Variants in DLG2 observed in about 807,000 individuals in gnomAD.
DLG2 encodes the protein disks large homolog 2.
In DLG2, 45 loss-of-function variants were observed where a neutral mutation model predicts 132.5. The observed-to-expected ratio is 0.34, with a 90% CI of 0.27 to 0.44. The LOEUF (loss-of-function observed/expected upper bound fraction) is 0.44. Among genes scored for constraint, DLG2 ranks in the 20% least tolerant of loss-of-function variants. DLG2 has a pLI of 1.00. For missense variants in DLG2, 1,045 were observed against 1,196.9 expected (o/e 0.87, Z 1.87); for synonymous variants, 424 against 419.6 (o/e 1.01, Z -0.13).
intron 6 of DLG2, among the ~76,000 whole-genome samples, chr11:84,714,039 C>G (rs149007620): frequency 6.6e-6 from 1 of 152,052 alleles, no homozygotes; most frequent in Non-Finnish European, 1.5e-5. Flanking sequence ...CAAAATAGTA[C>G]TGGGAAACTA....
intron 14 of DLG2, among the ~76,000 whole-genome samples, chr11:83,951,159 C>T (rs2085315871): frequency 6.6e-6 from 1 of 152,044 alleles, no homozygotes. Context: ...CCATATACAG[C>T]TGATGGGAAT....
chr11:85,127,999 T>G (rs2075324680), intron 5 of DLG2, among the ~76,000 whole-genome samples: 1 of 152,160 alleles, frequency 6.6e-6, no homozygotes, highest in Non-Finnish European at 1.5e-5. Context: ...GATAGTGGGT[T>G]GACAGAGGCA....
chr11:85,627,002 C>T (rs2082067341), intron 1 of DLG2, among the ~76,000 whole-genome samples: 1 of 152,120 alleles, frequency 6.6e-6, no homozygotes, highest in Non-Finnish European at 1.5e-5. Flanking sequence ...CAAATTTAGA[C>T]AGGTCTCATT....
chr11:83,960,117 A>C (rs901630525), intron 14 of DLG2, among the ~76,000 whole-genome samples: 1 of 152,036 alleles, frequency 6.6e-6, no homozygotes, highest in Non-Finnish European at 1.5e-5. Flanking sequence ...TGCACAATCT[A>C]TCCCACTACC....
chr11:85,305,381 T>C (rs991440059), intron 3 of DLG2, among the ~76,000 whole-genome samples: 1 of 152,190 alleles, frequency 6.6e-6, no homozygotes, highest in African/African-American at 2.4e-5. Flanking sequence ...ATTTGAAGAG[T>C]ACCACTTGTC....
chr11:83,499,389 T>C (rs1046511293), intron 21 of DLG2, among the ~76,000 whole-genome samples: 3 of 152,218 alleles, frequency 2.0e-5, no homozygotes, highest in East Asian at 1.9e-4. Context: ...GCAATGAATA[T>C]ACCATTCAGT....
At chr11:84,617,631 T>C (rs1366111255) in intron 6 of DLG2, among the ~76,000 whole-genome samples, 3 of 152,122 alleles carry the variant, frequency 2.0e-5, no homozygotes. Flanking sequence ...TTTCTCCACA[T>C]CCTCTCCAGC....
chr11:84,222,311 T>G (rs2096927406), intron 8 of DLG2, among the ~76,000 whole-genome samples: 1 of 152,142 alleles, frequency 6.6e-6, no homozygotes, highest in Non-Finnish European at 1.5e-5. Flanking sequence ...GGATTACAGG[T>G]GTATGCCACC....
chr11:85,604,389 T>C (rs2080378348), intron 2 of DLG2, among the ~76,000 whole-genome samples: 1 of 152,188 alleles, frequency 6.6e-6, no homozygotes, highest in African/African-American at 2.4e-5. Flanking sequence ...TTGAAGGTAA[T>C]CTAAAAATGA....
At chr11:85,624,252 G>A (rs2081918859) in intron 2 of DLG2, among the ~76,000 whole-genome samples, 1 of 152,144 alleles carries the variant, frequency 6.6e-6, no homozygotes, top group South Asian at 2.1e-4. Flanking sequence ...ACCTAGAAAT[G>A]GGCTTAGTGA....
rs149901306 is a variant in DLG2 at position 83,914,819 on chromosome 11, G to A, written c.1496+15509C>T. 4.9e-3 allele frequency among the ~76,000 whole-genome samples: 747 copies of A among 152,238 alleles called. 3 individuals are homozygous for A. Among genetic ancestry groups the A allele is most frequent in the African/African-American group, 0.017 (704 of 41,542 alleles). ...TTTTGATGTGCTTCAGAGCATTTGA[G>A]GATCGATATCCGGTAGGTATGTATG... On this transcript the variant is annotated intron_variant, in intron 15 of 27. Transcript: ENST00000376104.
intron 6 of DLG2, among the ~76,000 whole-genome samples, chr11:84,912,188 C>G (rs113816781): frequency 8.5e-5 from 13 of 152,318 alleles, no homozygotes; most frequent in African/African-American, 2.9e-4. Context: ...CTCACTCTGT[C>G]GCCCAGGCTG....
chr11:85,446,944 A>C (rs1394852435), intron 3 of DLG2, among the ~76,000 whole-genome samples: 2 of 152,160 alleles, frequency 1.3e-5, no homozygotes, highest in Admixed American at 6.5e-5. Context: ...CATTTGAATA[A>C]AATCTTTTAG....
At chr11:83,956,523 G>T (rs1454415168) in intron 14 of DLG2, among the ~76,000 whole-genome samples, 2 of 152,228 alleles carry the variant, frequency 1.3e-5, no homozygotes, top group Non-Finnish European at 2.9e-5. Context: ...AGTGCCTGAA[G>T]CAACCAGCTG....
intron 11 of DLG2, among the ~76,000 whole-genome samples, chr11:84,037,064 A>T (rs977007075): frequency 3.3e-5 from 5 of 152,162 alleles, no homozygotes; most frequent in Non-Finnish European, 5.9e-5. Context: ...ATGACAGATA[A>T]GCAAGTGAAT....
intron 7 of DLG2, among the ~76,000 whole-genome samples, chr11:84,479,368 C>T (rs989619249): frequency 6.6e-6 from 1 of 152,002 alleles, no homozygotes; most frequent in Non-Finnish European, 1.5e-5. Flanking sequence ...TCTAATATAC[C>T]TTTTCTGAGT....
At chr11:85,075,984 T>C (rs1390282503) in intron 6 of DLG2, among the ~76,000 whole-genome samples, 1 of 152,000 alleles carries the variant, frequency 6.6e-6, no homozygotes, top group Non-Finnish European at 1.5e-5. Context: ...CTTGCCATTT[T>C]ACTTAGCAAT....
At chr11:84,419,458 G>C (rs1402469613) in intron 7 of DLG2, among the ~76,000 whole-genome samples, 1 of 152,122 alleles carries the variant, frequency 6.6e-6, no homozygotes, top group East Asian at 1.9e-4. Context: ...TATTTATTCT[G>C]GACATCATTT....
chr11:85,469,091 T>A (rs2092902803), intron 3 of DLG2, among the ~76,000 whole-genome samples: 1 of 152,232 alleles, frequency 6.6e-6, no homozygotes, highest in African/African-American at 2.4e-5. Flanking sequence ...ATCGGGCAAG[T>A]CAAGAACCAT....
Sources: allele counts gnomAD v4.1 joint callset (sites outside exome capture counted in the v4.1 genomes callset), GRCh38; gene constraint gnomAD v4.1.1; transcripts MANE v1.5; gene names NCBI Gene and HGNC (gene_info 2026-07-23, HGNC 2026-07-21).